Variants in TOGARAM1 observed in about 807,000 individuals in gnomAD.
TOGARAM1 encodes the protein TOG array regulator of axonemal microtubules protein 1.
A neutral mutation model predicts 166.6 loss-of-function variants in TOGARAM1; 100 were observed. The observed-to-expected ratio is 0.60, with a 90% CI of 0.51 to 0.71. The LOEUF (loss-of-function observed/expected upper bound fraction) is 0.71. Ranked by LOEUF, TOGARAM1 falls within the 30% of genes least tolerant of loss-of-function variation. TOGARAM1 has a pLI of 0.00. For missense variants in TOGARAM1, 2,029 were observed against 2,102.7 expected (o/e 0.96, Z 0.69); for synonymous variants, 758 against 763.8 (o/e 0.99, Z 0.13).
At chr14:45,000,921 A>G (rs1415618778) in intron 3 of TOGARAM1, among the ~76,000 whole-genome samples, 5 of 152,036 alleles carry the variant, frequency 3.3e-5, no homozygotes, top group Non-Finnish European at 4.4e-5. Flanking sequence ...TTTTGCAGAG[A>G]TGGGGTTCTA....
intron 1 of TOGARAM1, among the ~76,000 whole-genome samples, chr14:44,992,072 T>TAAAAAAAAAAAAAAAA (rs71108676): frequency 7.9e-5 from 3 of 37,950 alleles, no homozygotes; most frequent in Non-Finnish European, 9.9e-5. Context: ...CCCTGTCTGT[T>TAAAAAAAAAAAAAAAA]AAAAAAAAAA....
intron 1 of TOGARAM1, among the ~76,000 whole-genome samples, chr14:44,979,331 C>T (rs892510367): frequency 1.3e-5 from 2 of 152,102 alleles, no homozygotes; most frequent in Non-Finnish European, 2.9e-5. Flanking sequence ...GCAAATTCAG[C>T]GTCCAGTTAA....
At chr14:44,996,453 G>A (rs918696792) in intron 2 of TOGARAM1, 1 of 152,202 alleles carries the variant, frequency 6.6e-6, no homozygotes, top group South Asian at 2.1e-4. Flanking sequence ...AATGAAATAA[G>A]AGAGGGGAAA....
Position 45,030,835 on chromosome 14 carries a change from C to G in TOGARAM1, c.3659-1388C>G, listed in dbSNP as rs186720937. 3.3e-4 allele frequency among the ~76,000 whole-genome samples: 50 copies of G among 152,168 alleles called. 1 individual carries two copies. Among genetic ancestry groups the G allele is most frequent in the Admixed American group, 7.9e-4 (12 of 15,276 alleles). On this transcript the variant is annotated intron_variant, in intron 10 of 19. Coordinates refer to ENST00000361462, the MANE Select transcript of TOGARAM1 (RefSeq NM_001308120.2). ...GCCGTAGATCTAAGTCCTGCCTCTC[C>G]CACTCATTAGCAATGGAACCTTAAG...
chr14:44,971,292 C>G (rs540820951), intron 1 of TOGARAM1, among the ~76,000 whole-genome samples: 7 of 152,194 alleles, frequency 4.6e-5, no homozygotes, highest in African/African-American at 1.4e-4. Context: ...CACATTGTGT[C>G]TTTCAAGGAA....
chr14:45,062,979 C>A (rs992403174), intron 16 of TOGARAM1, among the ~76,000 whole-genome samples: 1 of 152,086 alleles, frequency 6.6e-6, no homozygotes, highest in Non-Finnish European at 1.5e-5. Context: ...AACAATCTTC[C>A]CTTCCCCAGC....
chr14:44,963,506 A>C lies in TOGARAM1; in HGVS notation c.1085A>C (p.Gln362Pro), dbSNP rs1341963561. The C allele has an allele frequency of 3.7e-6, 6 of 1,614,238 alleles. No individual in the cohort carries two copies. The highest frequency in any genetic ancestry group is 5.1e-6 in the Non-Finnish European group (6 of 1,180,050). The part of the protein sequence containing the change: ...PQELHSRLLD[Q>P]EDYKNRTQAV... ...GAGCTGCATTCACGATTATTGGATC[A>C]GGAAGACTATAAGAACCGGACCCAG... is the stretch of plus-strand genomic sequence containing the variant. The change falls in exon 1 of 20, where the codon CAG (glutamine) becomes CCG (proline). Residue 362 changes from glutamine to proline, a missense_variant. Physicochemically the swap from Gln to Pro is moderately conservative, Grantham distance 76. This residue lies in a region of TOGARAM1 where 1,453 missense variants were observed against 1,432.2 expected (regional missense o/e 1.01). Transcript: ENST00000361462.
chr14:45,012,491 T>G (rs1318742214), intron 7 of TOGARAM1, among the ~76,000 whole-genome samples: 4 of 152,228 alleles, frequency 2.6e-5, no homozygotes, highest in Admixed American at 1.3e-4. Context: ...GTAGTTAAAT[T>G]CATGTGTATC....
chr14:44,981,878 C>T, intron 1 of TOGARAM1, among the ~76,000 whole-genome samples: 1 of 131,174 alleles, frequency 7.6e-6, no homozygotes, highest in African/African-American at 2.9e-5. Context: ...GAGTCTCCCT[C>T]TGTTGTCCAG....
rs549612159 is a variant in TOGARAM1, at chr14:44,983,900, T to C, written c.2047-11846T>C. ...GTAAATGTTGCTTATGTCAGAGCTA[T>C]GTAGAATGAACTGTTGGCAACAGGA... On this transcript the variant is annotated intron_variant, in intron 1 of 19. Coordinates refer to ENST00000361462, the MANE Select transcript of TOGARAM1 (RefSeq NM_001308120.2). Among the ~76,000 whole-genome samples the C allele has an allele frequency of 1.2e-4, 19 of 152,336 alleles. 3 individuals carry two copies. The highest frequency in any genetic ancestry group is 3.8e-4 in the African/African-American group (16 of 41,570).
intron 1 of TOGARAM1, among the ~76,000 whole-genome samples, chr14:44,994,082 T>G (rs550963056): frequency 6.6e-6 from 1 of 152,290 alleles, no homozygotes; most frequent in South Asian, 2.1e-4. Flanking sequence ...TTTGAGACAG[T>G]AAAGTCAATC....
intron 11 of TOGARAM1, among the ~76,000 whole-genome samples, chr14:45,036,062 C>T (rs984237915): frequency 3.5e-5 from 5 of 141,134 alleles, no homozygotes; most frequent in Admixed American, 7.6e-5. Context: ...TCCAGGGGTT[C>T]GAGGCTGCAG....
intron 3 of TOGARAM1, 110 bp from the exon 4 acceptor site, chr14:45,003,951 T>C: frequency 2.6e-6 from 2 of 773,158 alleles, no homozygotes; most frequent in South Asian, 4.4e-5. Context: ...TACAAAAATA[T>C]ACATGCCAAT....
intron 1 of TOGARAM1, among the ~76,000 whole-genome samples, chr14:44,990,594 A>G (rs1887070711): frequency 6.6e-6 from 1 of 152,354 alleles, no homozygotes; most frequent in East Asian, 1.9e-4. Flanking sequence ...TGCAGTTTGC[A>G]ATATTTTTTC....
In TOGARAM1 at chr14:45,073,757, A is replaced by C. The variant is rs989114626; in HGVS notation, c.*196A>C. 2 of 444,758 alleles carry C rather than the reference A, an allele frequency of 4.5e-6. No individual in the cohort carries two copies. The highest frequency in any genetic ancestry group is 5.1e-5 in the South Asian group (1 of 19,584). 27.6% of individuals were successfully genotyped at this position (444,758 alleles called of 1,614,324 possible). A position where few individuals can be genotyped will look rare whatever the true frequency, so the allele number is the denominator to read the frequency against. ...TATATTCATCACATAAAAACCTAAA[A>C]TATTCATGAATAATTCATGAAATCT... On this transcript the variant is annotated 3_prime_UTR_variant, in exon 20 of 20. Coordinates refer to ENST00000361462, the MANE Select transcript of TOGARAM1 (RefSeq NM_001308120.2).
chr14:45,032,642 A>G (rs1398773116), intron 11 of TOGARAM1, among the ~76,000 whole-genome samples: 2 of 152,214 alleles, frequency 1.3e-5, no homozygotes, highest in South Asian at 2.1e-4. Context: ...ATAATGAGAT[A>G]CAAATTTCAC....
At chr14:45,021,525 C>T (rs1006417929) in intron 7 of TOGARAM1, among the ~76,000 whole-genome samples, 4 of 152,162 alleles carry the variant, frequency 2.6e-5, no homozygotes, top group African/African-American at 9.7e-5. Flanking sequence ...TAGTTACTTT[C>T]CTCACGGTTG....
intron 1 of TOGARAM1, among the ~76,000 whole-genome samples, chr14:44,974,055 G>A (rs1886050006): frequency 6.6e-6 from 1 of 151,820 alleles, no homozygotes; most frequent in Non-Finnish European, 1.5e-5. Context: ...TTAGGTTTCT[G>A]ACATTAATTG....
In TOGARAM1 at chr14:44,999,372, G is replaced by T. The variant is rs1202816905; in HGVS notation, c.2213G>T (p.Gly738Val). Residue 738 changes from glycine to valine, a missense_variant, in exon 3 of 20, where the codon GGG (glycine) becomes GTG (valine). Gly to Val is a moderately radical substitution (Grantham distance 109). Transcript: ENST00000361462. Reference protein sequence around the residue: ...CLPLCAAGTTGTHQTNLSGKC... With the variant: ...CLPLCAAGTTVTHQTNLSGKC... ...TTCCTTTCTTCAAAAGGTACTACTG[G>T]GACTCATCAAACAAATCTTTCTGGG... 4.4e-6 allele frequency: 7 copies of T among 1,606,774 alleles called. No homozygotes were observed. The South Asian group carries it at 6.7e-5, about 15-fold the overall frequency.
Sources: gnomAD v4.1 joint callset for allele counts (sites outside exome capture counted in the v4.1 genomes callset) on GRCh38, gnomAD v4.1.1 for gene constraint, gnomAD v4.1.1 regional missense constraint, MANE v1.5 for transcripts, NCBI Gene and HGNC (gene_info 2026-07-23, HGNC 2026-07-21) for gene names.